Variants in SLC4A10 observed in about 807,000 individuals in gnomAD.
SLC4A10 encodes solute carrier family 4 member 10.
SLC4A10 carries 42 observed loss-of-function variants against 137.7 expected under a neutral mutation model. That is an observed-to-expected ratio of 0.30 (90% CI 0.24 to 0.39). The LOEUF (loss-of-function observed/expected upper bound fraction) is 0.39, where lower values mean the gene tolerates loss of function less well. SLC4A10 is among the 10% of genes least tolerant of loss of function. The pLI is 1.00. For missense variants in SLC4A10, 925 were observed against 1,355.0 expected (o/e 0.68, Z 4.98); for synonymous variants, 474 against 464.1 (o/e 1.02, Z -0.27).
At chr2:161,845,038 A>G (rs1477204466) in intron 4 of SLC4A10, among the ~76,000 whole-genome samples, 1 of 152,132 alleles carries the variant, frequency 6.6e-6, no homozygotes, top group Non-Finnish European at 1.5e-5. Flanking sequence ...AACAAATGTC[A>G]GCAGAGTTTA....
At position 161,974,152 on chromosome 2, in the gene SLC4A10, GTTAATGAGATAATGAAACA is replaced by G. The variant is rs546393021; in HGVS notation, c.3160-91_3160-73del. ...TGCAAACAGAGTGGAAGGTCTTGAG[GTTAATGAGATAATGAAACA>G]TTAATCTGTGTTTCTTCTTTAATGT... On this transcript the variant is annotated intron_variant, in intron 23 of 26. Transcript: ENST00000446997. 2.2e-3 allele frequency: 2,237 copies of G among 1,011,808 alleles called. 50 individuals carry two copies. In the South Asian group the frequency reaches 0.036, roughly 16 times the overall value. The allele number at this position is 1,011,808 out of a possible 1,614,324, so 62.7% of individuals were successfully genotyped here. A position where few individuals can be genotyped will look rare whatever the true frequency, so the allele number is the denominator to read the frequency against.
intron 1 of SLC4A10, among the ~76,000 whole-genome samples, chr2:161,630,245 G>C (rs1293453118): frequency 6.6e-6 from 1 of 151,764 alleles, no homozygotes; most frequent in Non-Finnish European, 1.5e-5. Flanking sequence ...ATATTTTGTA[G>C]AGAGTTTTTG....
intron 6 of SLC4A10, among the ~76,000 whole-genome samples, chr2:161,864,253 T>G (rs2060605969): frequency 1.3e-5 from 2 of 152,138 alleles, no homozygotes; most frequent in African/African-American, 2.4e-5. Flanking sequence ...AAAAGTATTT[T>G]CAAATGCTTT....
intron 12 of SLC4A10, 21 bp downstream of exon 12, chr2:161,901,032 T>TG (rs1407912917): frequency 6.6e-7 from 1 of 1,519,876 alleles, no homozygotes; most frequent in South Asian, 1.2e-5. Flanking sequence ...ATCACTTCTA[T>TG]GGGACTTCAA....
chr2:161,942,077 C>T (rs186991426), intron 15 of SLC4A10, among the ~76,000 whole-genome samples: 12 of 152,166 alleles, frequency 7.9e-5, no homozygotes, highest in East Asian at 1.9e-4. Flanking sequence ...AGAAACTATA[C>T]GATATTTTCT....
intron 1 of SLC4A10, among the ~76,000 whole-genome samples, chr2:161,746,501 T>A (rs190879685): frequency 6.6e-6 from 1 of 152,100 alleles, no homozygotes; most frequent in Admixed American, 6.5e-5. Context: ...TCCTTCTGTC[T>A]GTGGCAGGTG....
chr2:161,800,843 A>T (rs376198404), intron 2 of SLC4A10, among the ~76,000 whole-genome samples: 9 of 152,128 alleles, frequency 5.9e-5, no homozygotes, highest in African/African-American at 1.9e-4. Context: ...TGGAGCAAAG[A>T]AATACCACTT....
chr2:161,944,046 C>T (rs1017102068), intron 16 of SLC4A10, among the ~76,000 whole-genome samples: 3 of 151,930 alleles, frequency 2.0e-5, no homozygotes, highest in South Asian at 2.1e-4. Context: ...GTAGAATAAG[C>T]CTTCAGTTAC....
At chr2:161,642,898 A>G (rs1158430136) in intron 1 of SLC4A10, among the ~76,000 whole-genome samples, 1 of 152,008 alleles carries the variant, frequency 6.6e-6, no homozygotes, top group East Asian at 1.9e-4. Flanking sequence ...GTATTTTTGT[A>G]GCGAAGACAA....
At chr2:161,651,831 A>AG (rs35988769) in intron 1 of SLC4A10, among the ~76,000 whole-genome samples, 117,842 of 152,054 alleles carry the variant, frequency 0.78, 46,224 homozygotes, top group East Asian at 0.86. Flanking sequence ...TGCCCTTGGC[A>AG]GGTGTGGGAT....
At chr2:161,955,262 G>A (rs1695454059) in intron 19 of SLC4A10, among the ~76,000 whole-genome samples, 1 of 152,116 alleles carries the variant, frequency 6.6e-6, no homozygotes, top group South Asian at 2.1e-4. Flanking sequence ...CTATTCTATG[G>A]AATTACATCT....
chr2:161,982,404 A>T (rs1237580712), intron 26 of SLC4A10, among the ~76,000 whole-genome samples: 1 of 152,220 alleles, frequency 6.6e-6, no homozygotes, highest in Non-Finnish European at 1.5e-5. Flanking sequence ...AAAGTGTACG[A>T]TGGGAAAATA....
At chr2:161,742,995 C>T (rs915423199) in intron 1 of SLC4A10, among the ~76,000 whole-genome samples, 1 of 151,938 alleles carries the variant, frequency 6.6e-6, no homozygotes, top group South Asian at 2.1e-4. Flanking sequence ...TGTTTGTGCT[C>T]TTTATATATT....
chr2:161,974,738 C>T (rs918576008), intron 24 of SLC4A10, among the ~76,000 whole-genome samples: 2 of 152,128 alleles, frequency 1.3e-5, no homozygotes, highest in Non-Finnish European at 2.9e-5. Flanking sequence ...TAATCTATTT[C>T]TTAAGTGATT....
At chr2:161,973,654 T>A (rs971966059) in intron 23 of SLC4A10, among the ~76,000 whole-genome samples, 8 of 152,172 alleles carry the variant, frequency 5.3e-5, no homozygotes, top group Admixed American at 5.2e-4. Context: ...CTACTGTCTC[T>A]TTCCAACTCT....
At position 161,928,649 on chromosome 2, in the gene SLC4A10, CAA is replaced by C. The variant is rs34327479; in HGVS notation, c.1998-14125_1998-14124del. On this transcript the variant is annotated intron_variant, in intron 15 of 26. Coordinates refer to ENST00000446997, the MANE Select transcript of SLC4A10 (RefSeq NM_001178015.2). ...ATAAAATCATAACAATCCTTGAAAG[CAA>C]AAAAAAAAAAAAAAAAAGTAGGAGT... 0.01 allele frequency among the ~76,000 whole-genome samples: 1,001 copies of C among 99,254 alleles called. 44 individuals are homozygous for C. The East Asian group carries it at 0.2, about 20-fold the overall frequency. The allele number at this position is 99,254 out of a possible 152,430, so 65.1% of individuals were successfully genotyped here.
In SLC4A10 at chr2:161,976,852, A is replaced by T. The variant is rs745777704; in HGVS notation, c.3320A>T (p.Lys1107Met). ...ATTACTGCCGATAACTCAAAAGATA[A>T]GGAGTCAAGCTTTCCTTCCAAAAGG... ...LLITADNSKD[K>M]ESSFPSKSSP... is the part of the protein sequence containing the mutation. Residue 1107 changes from lysine (K) to methionine (M), a missense_variant, in exon 25 of 27, where the codon AAG (lysine) becomes ATG (methionine). Lys to Met is a moderately conservative substitution (Grantham distance 95). Transcript: ENST00000446997. The T allele has an allele frequency of 1.3e-6, 2 of 1,595,882 alleles. No homozygotes were observed. The highest frequency in any genetic ancestry group is 3.5e-5 in the Admixed American group (2 of 57,930).
chr2:161,727,225 G>T (rs558009245), intron 1 of SLC4A10, among the ~76,000 whole-genome samples: 1 of 152,152 alleles, frequency 6.6e-6, no homozygotes, highest in Non-Finnish European at 1.5e-5. Context: ...CAGTTACCAG[G>T]CAGGATATTG....
chr2:161,953,586 C>T (rs894046911), intron 19 of SLC4A10, among the ~76,000 whole-genome samples: 4 of 151,154 alleles, frequency 2.6e-5, no homozygotes, highest in South Asian at 4.2e-4. Flanking sequence ...CTGGCCTGGG[C>T]GACAGGGTGA....
Sources: allele counts gnomAD v4.1 joint callset (sites outside exome capture counted in the v4.1 genomes callset), GRCh38; gene constraint gnomAD v4.1.1; transcripts MANE v1.5; gene names NCBI Gene and HGNC (gene_info 2026-07-23, HGNC 2026-07-21).